Variants in CSMD1 observed in about 807,000 individuals in gnomAD.
CSMD1 encodes the protein CUB and sushi domain-containing protein 1.
Under a neutral mutation model 417.5 loss-of-function variants are expected in CSMD1, and 213 were observed. The observed-to-expected ratio is 0.51, with a 90% CI of 0.46 to 0.57. The LOEUF is 0.57. Among genes scored for constraint, CSMD1 ranks in the 20% least tolerant of loss-of-function variants. The pLI, the probability that CSMD1 is intolerant of heterozygous loss-of-function variation, is 0.00. For synonymous variants in CSMD1, 2,862 were observed against 1,736.8 expected, an observed-to-expected ratio of 1.65 and a Z score of -16.11; for missense variants, 6,923 against 4,529.7, an observed-to-expected ratio of 1.53 and a Z score of -15.17.
intron 5 of CSMD1, among the ~76,000 whole-genome samples, chr8:3,877,180 C>G (rs1210664527): frequency 6.6e-6 from 1 of 152,144 alleles, no homozygotes; most frequent in Non-Finnish European, 1.5e-5. Flanking sequence ...GGAGAAGTGA[C>G]TTTTGGAAGA....
At chr8:4,506,620 A>C (rs1275690607) in intron 2 of CSMD1, among the ~76,000 whole-genome samples, 1 of 152,152 alleles carries the variant, frequency 6.6e-6, no homozygotes, top group African/African-American at 2.4e-5. Flanking sequence ...CTTTCACATG[A>C]GCAACAAACA....
intron 7 of CSMD1, among the ~76,000 whole-genome samples, chr8:3,655,679 TTTA>T (rs1031933093): frequency 5.7e-5 from 8 of 139,608 alleles, no homozygotes; most frequent in Middle Eastern, 7.5e-3. Context: ...TTTTTTTTTT[TTTA>T]ATCTTCCACT....
intron 18 of CSMD1, 99 bp from the exon 19 acceptor site, chr8:3,369,469 A>T (rs1262289493): frequency 1.5e-6 from 1 of 651,562 alleles, no homozygotes; most frequent in African/African-American, 1.8e-5. Context: ...ACAAGGATTA[A>T]CAAATTTAAT....
chr8:3,414,615 C>T (rs1278018688), intron 12 of CSMD1, among the ~76,000 whole-genome samples: 2 of 152,154 alleles, frequency 1.3e-5, no homozygotes, highest in Admixed American at 1.3e-4. Context: ...TGAAATTTTT[C>T]TGGTGACCAA....
chr8:3,390,354 CAAAAAAAAAA>C (rs35292914), intron 17 of CSMD1, among the ~76,000 whole-genome samples: 1 of 64,248 alleles, frequency 1.6e-5, no homozygotes. Flanking sequence ...GACTCTGTCT[CAAAAAAAAAA>C]AAAAAAAAAA....
chr8:3,451,285 A>G (rs975244530), intron 12 of CSMD1, among the ~76,000 whole-genome samples: 5 of 152,164 alleles, frequency 3.3e-5, no homozygotes, highest in African/African-American at 9.7e-5. Context: ...CTCTGATGGT[A>G]GTTTCTTTTG....
chr8:4,101,866 T>C (rs1801321468), intron 3 of CSMD1, among the ~76,000 whole-genome samples: 1 of 152,146 alleles, frequency 6.6e-6, no homozygotes, highest in Admixed American at 6.5e-5. Context: ...CAAATTGCAA[T>C]TGCCCATCAT....
At chr8:4,446,234 T>G (rs910315683) in intron 2 of CSMD1, among the ~76,000 whole-genome samples, 2 of 152,182 alleles carry the variant, frequency 1.3e-5, no homozygotes, top group African/African-American at 4.8e-5. Context: ...TAGGATACCT[T>G]TGGGACAGAA....
chr8:4,562,168 G>C (rs143298196), intron 2 of CSMD1, among the ~76,000 whole-genome samples: 2 of 152,192 alleles, frequency 1.3e-5, no homozygotes, highest in Non-Finnish European at 2.9e-5. Context: ...ATACAAGGAA[G>C]CATGAGCAGT....
At chr8:3,047,573 A>G (rs1811542639) in intron 50 of CSMD1, among the ~76,000 whole-genome samples, 1 of 152,136 alleles carries the variant, frequency 6.6e-6, no homozygotes, top group Non-Finnish European at 1.5e-5. Context: ...GGAACTCACC[A>G]TCTCACATGC....
At chr8:4,456,801 C>T (rs1158292974) in intron 2 of CSMD1, among the ~76,000 whole-genome samples, 4 of 152,004 alleles carry the variant, frequency 2.6e-5, no homozygotes, top group African/African-American at 9.7e-5. Flanking sequence ...GCTGAAGAAG[C>T]TACCTGTGAA....
chr8:3,496,440 G>C (rs953639229), intron 10 of CSMD1, among the ~76,000 whole-genome samples: 5 of 152,176 alleles, frequency 3.3e-5, no homozygotes, highest in African/African-American at 1.2e-4. Flanking sequence ...ACTCCTCCAG[G>C]CCACAGAGCT....
intron 12 of CSMD1, among the ~76,000 whole-genome samples, chr8:3,459,652 G>A (rs1816374864): frequency 6.6e-6 from 1 of 152,142 alleles, no homozygotes; most frequent in South Asian, 2.1e-4. Flanking sequence ...GTCCAGGGGA[G>A]GTGGACTCAG....
chr8:3,532,998 T>C (rs977674661), intron 10 of CSMD1, among the ~76,000 whole-genome samples: 4 of 152,196 alleles, frequency 2.6e-5, no homozygotes, highest in Admixed American at 6.5e-5. Context: ...TCCCTTCTAC[T>C]CATAACAAAT....
Position 4,085,881 on chromosome 8 carries a change from T to C in CSMD1, c.416-53782A>G, listed in dbSNP as rs142760518. ...GTCAGTATCCGGGCTGTATTATTAT[T>C]GTACTCTAGTTTTGTGAGATGTTAC... is the stretch of plus-strand genomic sequence containing the variant. On this transcript the variant is annotated intron_variant, in intron 3 of 69. Coordinates refer to ENST00000635120, the MANE Select transcript of CSMD1 (RefSeq NM_033225.6). 2.5e-3 allele frequency among the ~76,000 whole-genome samples: 382 copies of C among 152,284 alleles called. 1 individual carries two copies. The highest frequency in any genetic ancestry group is 8.3e-3 in the African/African-American group (347 of 41,568).
chr8:3,701,211 T>C (rs1007786143), intron 7 of CSMD1, among the ~76,000 whole-genome samples: 4 of 152,002 alleles, frequency 2.6e-5, no homozygotes, highest in Admixed American at 1.3e-4. Flanking sequence ...AGAAGAGAAA[T>C]GCAGGTTAAG....
chr8:3,926,968 C>G (rs538385308), intron 5 of CSMD1, among the ~76,000 whole-genome samples: 6 of 151,928 alleles, frequency 3.9e-5, no homozygotes, highest in African/African-American at 1.4e-4. Context: ...CCCACCTCGG[C>G]CTCCCAAAGT....
chr8:3,288,935 C>T (rs1803351016), intron 25 of CSMD1, among the ~76,000 whole-genome samples: 2 of 146,988 alleles, frequency 1.4e-5, no homozygotes, highest in Non-Finnish European at 2.9e-5. Context: ...ATTAACTCAT[C>T]ATTTAACATT....
intron 3 of CSMD1, among the ~76,000 whole-genome samples, chr8:4,301,700 G>A (rs1254368285): frequency 6.6e-6 from 1 of 152,156 alleles, no homozygotes; most frequent in Admixed American, 6.5e-5. Flanking sequence ...TATTTTTCTT[G>A]CAAATTGATG....
Sources: allele counts gnomAD v4.1 joint callset (sites outside exome capture counted in the v4.1 genomes callset), GRCh38; gene constraint gnomAD v4.1.1; transcripts MANE v1.5; gene names NCBI Gene and HGNC (gene_info 2026-07-23, HGNC 2026-07-21).